SLC16A12: variants seen among roughly 807,000 people sequenced by gnomAD.
The protein encoded by SLC16A12 is solute carrier family 16 member 12.
SLC16A12 carries 17 observed loss-of-function variants against 42.4 expected under a neutral mutation model. The ratio of observed to expected loss-of-function variants is 0.40; its 90% CI spans 0.27 to 0.60. The LOEUF is 0.60. SLC16A12 is among the 20% of genes least tolerant of loss of function. The pLI is 0.42. For missense variants in SLC16A12, 544 were observed against 623.0 expected, an observed-to-expected ratio of 0.87 and a Z score of 1.35; for synonymous variants, 224 against 229.4, an observed-to-expected ratio of 0.98 and a Z score of 0.21.
chr10:89,546,734 A>T (rs937988298), intron 2 of SLC16A12, among the ~76,000 whole-genome samples: 1 of 152,222 alleles, frequency 6.6e-6, no homozygotes, highest in Non-Finnish European at 1.5e-5. Flanking sequence ...ACATGCACAC[A>T]TATGTTTATT....
intron 2 of SLC16A12, among the ~76,000 whole-genome samples, chr10:89,502,283 T>C (rs1843000612): frequency 3.3e-5 from 5 of 151,960 alleles, no homozygotes; most frequent in Admixed American, 3.3e-4. Context: ...ACCCCGTCTC[T>C]ACTAAAAATA....
intron 2 of SLC16A12, among the ~76,000 whole-genome samples, chr10:89,466,610 A>G (rs115750169): frequency 1.3e-3 from 197 of 152,302 alleles, no homozygotes; most frequent in African/African-American, 4.7e-3. Context: ...TAAATATCAG[A>G]TACTATCCAA....
intron 2 of SLC16A12, among the ~76,000 whole-genome samples, chr10:89,491,328 G>A (rs1015971800): frequency 7.2e-5 from 11 of 152,096 alleles, no homozygotes; most frequent in Admixed American, 6.5e-4. Context: ...TGCCTCACAG[G>A]TGTGTGCCTA....
intron 2 of SLC16A12, among the ~76,000 whole-genome samples, chr10:89,504,958 A>T (rs535741160): frequency 7.2e-5 from 11 of 152,186 alleles, no homozygotes; most frequent in Non-Finnish European, 1.5e-4. Context: ...GGCAAGAAGG[A>T]TGAAGACCCA....
chr10:89,457,986 T>C (rs1842224931), intron 3 of SLC16A12, among the ~76,000 whole-genome samples: 1 of 152,184 alleles, frequency 6.6e-6, no homozygotes, highest in Admixed American at 6.5e-5. Flanking sequence ...GGATCAATAA[T>C]GAAAGATGTT....
chr10:89,446,488 A>G (rs1405319213), intron 3 of SLC16A12, among the ~76,000 whole-genome samples: 1 of 152,148 alleles, frequency 6.6e-6, no homozygotes, highest in Non-Finnish European at 1.5e-5. Flanking sequence ...TCAACCCAGA[A>G]TTTCATATCT....
In SLC16A12 at chr10:89,525,322, GA is replaced by G. The variant is rs1028778324; in HGVS notation, c.-47+9178del. 6.7e-5 allele frequency among the ~76,000 whole-genome samples: 10 copies of G among 148,796 alleles called. No homozygotes were observed. In the South Asian group the frequency reaches 1.5e-3, roughly 22 times the overall value. On this transcript the variant is annotated intron_variant, in intron 2 of 7. Transcript: ENST00000371790. ...ATACTATCATGCAAGAATTGACAAA[GA>G]AAGCAGAATATGCCAGGAACATTCT...
intron 2 of SLC16A12, among the ~76,000 whole-genome samples, chr10:89,504,560 G>C (rs1161989888): frequency 6.6e-6 from 1 of 152,068 alleles, no homozygotes; most frequent in Non-Finnish European, 1.5e-5. Flanking sequence ...AACCATTATT[G>C]CTTTTGATGT....
chr10:89,475,670 T>C (rs139834862), intron 2 of SLC16A12, among the ~76,000 whole-genome samples: 2 of 152,344 alleles, frequency 1.3e-5, no homozygotes, highest in African/African-American at 4.8e-5. Flanking sequence ...AATTTTTGGA[T>C]GTTTGTCAGA....
chr10:89,554,024 GAGAGAAAGGAAGAAAGAAAGAAAGAAAGA>G (rs1564607040), intron 2 of SLC16A12, among the ~76,000 whole-genome samples: 6 of 140,446 alleles, frequency 4.3e-5, no homozygotes, highest in African/African-American at 1.3e-4. Context: ...GAGAAAGAAA[GAGAGAAAGGAAGAAAGAAAGAAAGAAAGA>G]AAGAAAGAAA....
intron 1 of SLC16A12, chr10:89,556,436 G>C (rs574870019): frequency 6.6e-6 from 1 of 152,274 alleles, no homozygotes; most frequent in African/African-American, 2.4e-5. Context: ...CCTAGCTCAT[G>C]ACTCCCATAG....
Position 89,438,728 on chromosome 10 carries a change from C to T in SLC16A12, c.904G>A (p.Val302Met), listed in dbSNP as rs75915990. 1 of 1,614,030 alleles carries T rather than the reference C, an allele frequency of 6.2e-7. No homozygotes were observed. The highest frequency in any genetic ancestry group is 1.3e-5 in the African/African-American group (1 of 74,916). ...CTCAAAGCATAAGGCACCAAGTACA[C>T]AAAGAGAGGGCTGCAGCCATAAGCC... ...FMAYGCSPLF[V>M]YLVPYALSVG... Residue 302 changes from valine (V) to methionine (M), a missense_variant, in exon 6 of 8, where the codon GTG becomes ATG. Coordinates refer to ENST00000371790, the MANE Select transcript of SLC16A12 (RefSeq NM_213606.4).
intron 2 of SLC16A12, among the ~76,000 whole-genome samples, chr10:89,552,232 G>A (rs1270398170): frequency 1.3e-5 from 2 of 152,146 alleles, no homozygotes; most frequent in Non-Finnish European, 2.9e-5. Context: ...CTCACGCCTG[G>A]CCAAAGAGAG....
intron 2 of SLC16A12, among the ~76,000 whole-genome samples, chr10:89,484,115 A>G (rs181779857): frequency 3.3e-5 from 5 of 152,318 alleles, no homozygotes; most frequent in African/African-American, 9.6e-5. Context: ...ATAGCAAGAC[A>G]CTGTCTCAAA....
At chr10:89,470,662 A>G (rs1216249574) in intron 2 of SLC16A12, among the ~76,000 whole-genome samples, 1 of 152,184 alleles carries the variant, frequency 6.6e-6, no homozygotes, top group Non-Finnish European at 1.5e-5. Flanking sequence ...AAGAACTACA[A>G]CAAGAAAGGT....
Position 89,506,457 on chromosome 10 carries a change from C to G in SLC16A12, c.-47+28044G>C, listed in dbSNP as rs1181404772. Among the ~76,000 whole-genome samples, 4 of 152,172 alleles carry G rather than the reference C, an allele frequency of 2.6e-5. No individual in the cohort carries two copies. In the East Asian group the frequency reaches 7.7e-4, roughly 29 times the overall value. On this transcript the variant is annotated intron_variant, in intron 2 of 7. Coordinates refer to ENST00000371790, the MANE Select transcript of SLC16A12 (RefSeq NM_213606.4). Reference sequence around the variant, plus strand: ...AGGTCTGGAGAGGACCTCCAAGAAACTCCAAAAGACCTGCAGCTGAGGGGT... The same window carrying G: ...AGGTCTGGAGAGGACCTCCAAGAAAGTCCAAAAGACCTGCAGCTGAGGGGT...
chr10:89,439,790 G>C (rs1564568899), intron 5 of SLC16A12, among the ~76,000 whole-genome samples: 2 of 152,022 alleles, frequency 1.3e-5, no homozygotes, highest in African/African-American at 2.4e-5. Flanking sequence ...TCAACTTTTG[G>C]GCTGGGTGCA....
At chr10:89,446,406 C>G (rs988271556) in intron 3 of SLC16A12, among the ~76,000 whole-genome samples, 4 of 152,242 alleles carry the variant, frequency 2.6e-5, no homozygotes, top group African/African-American at 9.6e-5. Flanking sequence ...AACAGCAGAT[C>G]TCTTTGCAGA....
intron 2 of SLC16A12, among the ~76,000 whole-genome samples, chr10:89,499,065 G>C (rs1190172210): frequency 6.6e-6 from 1 of 152,054 alleles, no homozygotes; most frequent in Non-Finnish European, 1.5e-5. Context: ...GACAAAACAA[G>C]GCTCTTTAAC....
Sources: gnomAD v4.1 joint callset for allele counts (sites outside exome capture counted in the v4.1 genomes callset) on GRCh38, gnomAD v4.1.1 for gene constraint, MANE v1.5 for transcripts, NCBI Gene and HGNC (gene_info 2026-07-23, HGNC 2026-07-21) for gene names.